The following DENND2B variants were observed in gnomAD, a reference collection of about 807,000 sequenced individuals.
The protein encoded by DENND2B is DENN domain-containing protein 2B.
DENND2B carries 32 observed loss-of-function variants against 116.0 expected under a neutral mutation model. The ratio of observed to expected loss-of-function variants is 0.28; its 90% CI spans 0.21 to 0.37. DENND2B has a LOEUF of 0.37. Among genes scored for constraint, DENND2B ranks in the 10% least tolerant of loss-of-function variants. DENND2B has a pLI of 1.00. For missense variants in DENND2B, 1,276 were observed against 1,477.7 expected (o/e 0.86, Z 2.24); for synonymous variants, 588 against 583.9 (o/e 1.01, Z -0.10).
intron 4 of DENND2B, among the ~76,000 whole-genome samples, chr11:8,837,583 T>G (rs1057404055): frequency 6.6e-6 from 1 of 152,164 alleles, no homozygotes; most frequent in African/African-American, 2.4e-5. Flanking sequence ...CCTGACCTTG[T>G]GATCTGCCCA....
intron 1 of DENND2B, among the ~76,000 whole-genome samples, chr11:8,758,081 C>T (rs572450251): frequency 7.2e-5 from 11 of 152,256 alleles, no homozygotes; most frequent in Admixed American, 2.6e-4. Context: ...ACCTACTGAA[C>T]GGGAATCTGT....
intron 2 of DENND2B, among the ~76,000 whole-genome samples, chr11:8,738,884 C>T (rs1433870317): frequency 2.6e-5 from 4 of 152,162 alleles, no homozygotes; most frequent in African/African-American, 7.2e-5. Flanking sequence ...CAACTCTTAG[C>T]TCTTTCACAC....
chr11:8,720,278 C>T (rs1565716719), intron 4 of DENND2B, among the ~76,000 whole-genome samples: 1 of 152,072 alleles, frequency 6.6e-6, no homozygotes, highest in Non-Finnish European at 1.5e-5. Flanking sequence ...ACCTCACTCC[C>T]TCCTTCCTTC....
chr11:8,813,818 G>A (rs1423256768), upstream of DENND2B, among the ~76,000 whole-genome samples: 2 of 152,112 alleles, frequency 1.3e-5, no homozygotes, highest in African/African-American at 2.4e-5. Context: ...CTGGGGGAAG[G>A]GACAAAGGAA....
At chr11:8,764,187 T>C (rs1404134705) in intron 1 of DENND2B, among the ~76,000 whole-genome samples, 1 of 151,212 alleles carries the variant, frequency 6.6e-6, no homozygotes, top group African/African-American at 2.4e-5. Context: ...GCCACTGCAC[T>C]CCAGCCTGGG....
At position 8,846,271 on chromosome 11, in the gene DENND2B, A is replaced by G. The variant is rs148548174; in HGVS notation, c.-155-6921T>C. On this transcript the variant is annotated intron_variant, in intron 3 of 6. Transcript: ENST00000524757. Reference sequence around the variant, plus strand: ...AGAACAAGTAGCAAGGAGCCAGAAGAAGGCTGAGTGTGGTATGAAGGAATA... The same window carrying G: ...AGAACAAGTAGCAAGGAGCCAGAAGGAGGCTGAGTGTGGTATGAAGGAATA... 2.5e-3 allele frequency among the ~76,000 whole-genome samples: 377 copies of G among 152,282 alleles called. 1 individual carries two copies. Among genetic ancestry groups the G allele is most frequent in the Non-Finnish European group, 4.5e-3 (306 of 68,014 alleles).
At chr11:8,873,736 A>G (rs187338710), upstream of DENND2B, among the ~76,000 whole-genome samples, 117 of 152,352 alleles carry the variant, frequency 7.7e-4, no homozygotes, top group African/African-American at 2.7e-3. Flanking sequence ...CACAGTGCCC[A>G]GCATGAAATA....
At chr11:8,778,357 A>T (rs2057976371) in intron 1 of DENND2B, among the ~76,000 whole-genome samples, 2 of 152,270 alleles carry the variant, frequency 1.3e-5, no homozygotes, top group South Asian at 4.2e-4. Context: ...AAGGCTGAAG[A>T]GAAGACCTAG....
intron 4 of DENND2B, among the ~76,000 whole-genome samples, chr11:8,839,049 T>G (rs529982138): frequency 4.6e-5 from 7 of 152,248 alleles, no homozygotes; most frequent in East Asian, 1.9e-4. Context: ...ACATTAACTT[T>G]CCAGTGAAGA....
intron 1 of DENND2B, chr11:8,776,178 A>T (rs911345435): frequency 2.2e-6 from 1 of 454,926 alleles, no homozygotes; most frequent in Non-Finnish European, 4.4e-6. Context: ...ACACACACAC[A>T]CACACACACC....
At chr11:8,850,666 C>A (rs953174148) in intron 3 of DENND2B, among the ~76,000 whole-genome samples, 2 of 152,210 alleles carry the variant, frequency 1.3e-5, no homozygotes, top group Non-Finnish European at 2.9e-5. Flanking sequence ...AGCAATCTCA[C>A]TACTGAGCAT....
intron 4 of DENND2B, among the ~76,000 whole-genome samples, chr11:8,720,373 G>A (rs977721453): frequency 1.3e-5 from 2 of 152,136 alleles, no homozygotes; most frequent in African/African-American, 4.8e-5. Flanking sequence ...GAGGCCCAGG[G>A]AAGTAATAGA....
intron 3 of DENND2B, among the ~76,000 whole-genome samples, chr11:8,852,167 C>T (rs1425374753): frequency 6.6e-6 from 1 of 152,174 alleles, no homozygotes; most frequent in African/African-American, 2.4e-5. Context: ...AAAGCGCCTA[C>T]TATGTTGACA....
At chr11:8,708,019 C>T in intron 11 of DENND2B, 165 bp from the exon 12 acceptor site, 2 of 1,525,316 alleles carry the variant, frequency 1.3e-6, no homozygotes, top group Non-Finnish European at 1.8e-6. Context: ...CCTGAAGGAA[C>T]AGCCACCACT....
In DENND2B at chr11:8,743,800, G is replaced by A. The variant is rs953682081; in HGVS notation, c.80+6821C>T. 2.6e-5 allele frequency among the ~76,000 whole-genome samples: 4 copies of A among 151,252 alleles called. No individual in the cohort carries two copies. In the South Asian group the frequency reaches 8.4e-4, roughly 32 times the overall value. On this transcript the variant is annotated intron_variant, in intron 2 of 19. Transcript: ENST00000313726. ...CAAAGTCTGGCCCCCAGGCTGGAGT[G>A]TAGTGGCTCCATCATGGCTCACTGC...
intron 4 of DENND2B, among the ~76,000 whole-genome samples, chr11:8,836,369 A>C (rs1442596745): frequency 6.7e-6 from 1 of 148,234 alleles, no homozygotes; most frequent in Non-Finnish European, 1.5e-5. Context: ...ATGGGTCCTC[A>C]TCCTCATCAC....
At chr11:8,779,761 C>T (rs1009952492) in intron 1 of DENND2B, among the ~76,000 whole-genome samples, 2 of 152,132 alleles carry the variant, frequency 1.3e-5, no homozygotes, top group South Asian at 2.1e-4. Context: ...TGATCCGCCC[C>T]GCCTCAGCCT....
rs544751556 is a variant in DENND2B at position 8,702,613 on chromosome 11, C to A, written c.2679G>T (p.Leu893=). 9 of 1,613,768 alleles carry A rather than the reference C, an allele frequency of 5.6e-6. No homozygotes were observed. In the South Asian group the frequency reaches 9.9e-5, roughly 18 times the overall value. Residue 893 remains leucine, a synonymous_variant, in exon 14 of 20, where the codon CTG becomes CTT. Transcript: ENST00000313726. The surrounding 1 kb of genome is among the most constrained non-coding windows in gnomAD (Gnocchi z 4.6). ...VRQLIRIFAS[L]LLERRVIFVA... is the part of the protein sequence containing the mutation. ...CAAAAATGACCCGGCGCTCCAGCAG[C>A]AGTGAGGCAAAGATTCGGATGAGCT...
intron 2 of DENND2B, among the ~76,000 whole-genome samples, chr11:8,865,921 T>C (rs1198498470): frequency 6.6e-6 from 1 of 151,418 alleles, no homozygotes; most frequent in Non-Finnish European, 1.5e-5. Flanking sequence ...ATTTAGACTA[T>C]TTTTAAAGAG....
Sources: allele counts gnomAD v4.1 joint callset (sites outside exome capture counted in the v4.1 genomes callset), GRCh38; gene constraint gnomAD v4.1.1; non-coding constraint Gnocchi (gnomAD v3.1); transcripts MANE v1.5; gene names NCBI Gene and HGNC (gene_info 2026-07-23, HGNC 2026-07-21).